ST3GAL3: variants seen among roughly 807,000 people sequenced by gnomAD.
ST3GAL3 encodes ST3 beta-galactoside alpha-2,3-sialyltransferase 3, also known as CMP-N-acetylneuraminate-beta-1,4-galactoside alpha-2,3-sialyltransferase.
ST3GAL3 carries 21 observed loss-of-function variants against 50.1 expected under a neutral mutation model. The observed-to-expected ratio is 0.42, with a 90% CI of 0.30 to 0.60. The LOEUF (loss-of-function observed/expected upper bound fraction) is 0.60, where lower values mean the gene tolerates loss of function less well. ST3GAL3 is among the 20% of genes least tolerant of loss of function. The pLI, the probability that ST3GAL3 is intolerant of heterozygous loss-of-function variation, is 0.19. For synonymous variants in ST3GAL3, 183 were observed against 190.0 expected (o/e 0.96, Z 0.30); for missense variants, 353 against 489.4 (o/e 0.72, Z 2.63).
intron 1 of ST3GAL3, among the ~76,000 whole-genome samples, chr1:43,712,835 G>A (rs1408474900): frequency 2.0e-5 from 3 of 152,190 alleles, no homozygotes; most frequent in Non-Finnish European, 2.9e-5. Context: ...GGAGCCTGTT[G>A]GGGGAGTGTG....
intron 2 of ST3GAL3, among the ~76,000 whole-genome samples, chr1:43,758,162 AC>A (rs747611095): frequency 0.042 from 3,690 of 87,158 alleles, 79 homozygotes; most frequent in Middle Eastern, 0.074. Context: ...GCTGCATACC[AC>A]CCCCCCCCCC....
In ST3GAL3 at chr1:43,792,164, C is replaced by G; in HGVS notation, c.166+15C>G. 6.2e-7 allele frequency: 1 copy of G among 1,614,186 alleles called. No homozygotes were observed. The highest frequency in any genetic ancestry group is 8.5e-7 in the Non-Finnish European group (1 of 1,180,022). On this transcript the variant is annotated intron_variant, in intron 3 of 11. Coordinates refer to ENST00000347631, the MANE Select transcript of ST3GAL3 (RefSeq NM_006279.5). ...ACTAGGCTCAGGTACCAACTCTTCC[C>G]CCTCTATCATCTTTTTGGCCTTCAA...
intron 9 of ST3GAL3, among the ~76,000 whole-genome samples, chr1:43,904,758 C>CCCTCT: frequency 1.3e-5 from 2 of 150,328 alleles, no homozygotes; most frequent in African/African-American, 2.5e-5. Flanking sequence ...CACCACTCTC[C>CCCTCT]CCTCCTCCTG....
rs1502907 is a variant in ST3GAL3, at chr1:43,792,369, A to G, written c.166+220A>G. Among the ~76,000 whole-genome samples, 137,701 of 152,214 alleles carry G rather than the reference A, an allele frequency of 0.9. 62,531 individuals carry two copies. The highest frequency in any genetic ancestry group is 0.97 in the African/African-American group (40,233 of 41,542). ...TACTTTAAAAGTGCACAGAGGAGTT[A>G]CAGTAGATGCTCCCTCTTCATTCAG... is the stretch of plus-strand genomic sequence containing the variant. On this transcript the variant is annotated intron_variant, in intron 3 of 11. Coordinates refer to ENST00000347631, the MANE Select transcript of ST3GAL3 (RefSeq NM_006279.5).
chr1:43,747,956 A>C (rs1037971838), intron 2 of ST3GAL3, among the ~76,000 whole-genome samples: 1 of 152,066 alleles, frequency 6.6e-6, no homozygotes, highest in Non-Finnish European at 1.5e-5. Context: ...GATAAACTCA[A>C]CTTTTAGCCC....
chr1:43,819,731 G>C (rs1424670441), intron 4 of ST3GAL3, among the ~76,000 whole-genome samples: 1 of 152,106 alleles, frequency 6.6e-6, no homozygotes, highest in East Asian at 1.9e-4. Flanking sequence ...CATTACCCAG[G>C]TAGTGAGCAT....
intron 2 of ST3GAL3, among the ~76,000 whole-genome samples, chr1:43,760,932 C>T (rs1161756865): frequency 6.6e-6 from 1 of 152,134 alleles, no homozygotes; most frequent in African/African-American, 2.4e-5. Flanking sequence ...TATGGATGAG[C>T]CTTGAAAACA....
chr1:43,921,056 C>A, intron 11 of ST3GAL3, 128 bp downstream of exon 11: 1 of 1,117,144 alleles, frequency 9.0e-7, no homozygotes, highest in Non-Finnish European at 1.3e-6. Flanking sequence ...TGACACCAAG[C>A]ATCCTACGTG....
intron 2 of ST3GAL3, among the ~76,000 whole-genome samples, chr1:43,764,659 C>G (rs1249082685): frequency 1.3e-5 from 2 of 152,364 alleles, no homozygotes; most frequent in East Asian, 1.9e-4. Context: ...CCCATGGGGA[C>G]TAGGGCTCAG....
intron 2 of ST3GAL3, among the ~76,000 whole-genome samples, chr1:43,773,413 T>C (rs1696056516): frequency 1.3e-5 from 2 of 152,246 alleles, no homozygotes; most frequent in Non-Finnish European, 2.9e-5. Flanking sequence ...TTTTTATTTA[T>C]TTGTTTCCTC....
intron 4 of ST3GAL3, among the ~76,000 whole-genome samples, chr1:43,829,995 CTTTTTTTTTTTT>C (rs71579312): frequency 0.015 from 1,032 of 70,140 alleles, 9 homozygotes; most frequent in African/African-American, 0.047. Flanking sequence ...ATAAAAATTC[CTTTTTTTTTTTT>C]TTTTTTTTTT....
chr1:43,899,580 G>A lies in ST3GAL3; in HGVS notation c.597G>A (p.Val199=), dbSNP rs2077936856. Residue 199 remains valine (V), a synonymous_variant, in exon 9 of 12, where the codon GTG becomes GTA. Coordinates refer to ENST00000347631, the MANE Select transcript of ST3GAL3 (RefSeq NM_006279.5). The surrounding 1 kb of genome is among the most constrained non-coding windows in gnomAD (Gnocchi z 5.4). ...SAPVKGFEKD[V]GSKTTLRITY... is the part of the protein sequence containing the mutation. ...CAGTGAAAGGCTTTGAGAAGGACGTGGGCAGCAAAACGACACTGCGCATCA... is the reference window on the plus strand; with the variant it reads ...CAGTGAAAGGCTTTGAGAAGGACGTAGGCAGCAAAACGACACTGCGCATCA... The A allele has an allele frequency of 6.2e-7, 1 of 1,613,880 alleles. No homozygotes were observed. The highest frequency in any genetic ancestry group is 8.5e-7 in the Non-Finnish European group (1 of 1,180,046).
At chr1:43,856,320 C>G (rs1397229933) in intron 5 of ST3GAL3, among the ~76,000 whole-genome samples, 1 of 152,130 alleles carries the variant, frequency 6.6e-6, no homozygotes, top group Admixed American at 6.5e-5. Flanking sequence ...AAACCCTTTA[C>G]GACAACCCCG....
chr1:43,850,433 G>C (rs544209756), intron 5 of ST3GAL3: 23 of 584,586 alleles, frequency 3.9e-5, no homozygotes, highest in Non-Finnish European at 7.3e-5. Flanking sequence ...TGATGCCAGC[G>C]TTGCTCTGGA....
intron 9 of ST3GAL3, among the ~76,000 whole-genome samples, chr1:43,903,177 G>A (rs1216603501): frequency 6.6e-6 from 1 of 152,142 alleles, no homozygotes; most frequent in African/African-American, 2.4e-5. Context: ...AAGCATGAGG[G>A]TGGTGTGTCA....
At chr1:43,728,493 C>T (rs1471626968) in intron 1 of ST3GAL3, among the ~76,000 whole-genome samples, 1 of 152,132 alleles carries the variant, frequency 6.6e-6, no homozygotes, top group African/African-American at 2.4e-5. Flanking sequence ...GCCTGTAATC[C>T]CAGCACTTTG....
intron 5 of ST3GAL3, among the ~76,000 whole-genome samples, chr1:43,883,304 C>T (rs1174919374): frequency 6.6e-6 from 1 of 152,088 alleles, no homozygotes; most frequent in Non-Finnish European, 1.5e-5. Context: ...GAAGGGGTCT[C>T]CTGATTGGTC....
intron 1 of ST3GAL3, among the ~76,000 whole-genome samples, chr1:43,726,991 T>A (rs1276707061): frequency 6.6e-6 from 1 of 152,260 alleles, no homozygotes; most frequent in East Asian, 1.9e-4. Flanking sequence ...AAATGGTGAT[T>A]TTCTAATTAC....
At chr1:43,910,869 C>CTGGCCACA (rs775109127) in intron 9 of ST3GAL3, among the ~76,000 whole-genome samples, 6 of 152,232 alleles carry the variant, frequency 3.9e-5, no homozygotes, top group Admixed American at 6.5e-5. Context: ...TGGTCCTCCT[C>CTGGCCACA]TGGCCACAAC....
Sources: allele counts gnomAD v4.1 joint callset (sites outside exome capture counted in the v4.1 genomes callset), GRCh38; gene constraint gnomAD v4.1.1; non-coding constraint Gnocchi (gnomAD v3.1); transcripts MANE v1.5; gene names NCBI Gene and HGNC (gene_info 2026-07-23, HGNC 2026-07-21).